Variants in YJEFN3 observed in about 807,000 individuals in gnomAD.
The protein encoded by YJEFN3 is yjeF N-terminal domain-containing protein 3.
Under a neutral mutation model 31.5 loss-of-function variants are expected in YJEFN3, and 29 were observed. The observed-to-expected ratio is 0.92, with a 90% CI of 0.69 to 1.26. The LOEUF (loss-of-function observed/expected upper bound fraction) is 1.26, where lower values mean the gene tolerates loss of function less well. YJEFN3 is among the 50% of genes most tolerant of loss of function. The pLI, the probability that YJEFN3 is intolerant of heterozygous loss-of-function variation, is 0.00. For missense variants in YJEFN3, 442 were observed against 425.4 expected (o/e 1.04, Z -0.34); for synonymous variants, 227 against 196.1 (o/e 1.16, Z -1.32).
Position 19,534,369 on chromosome 19 carries a change from CACAAAGAGAGCCAGAG to C in YJEFN3, c.319-661_319-646del, listed in dbSNP as rs2061186594. On this transcript the variant is annotated intron_variant, in intron 3 of 6. Transcript: ENST00000514277. This position sits in a 1 kb window ranked among gnomAD's most constrained non-coding sequence, Gnocchi z 4.6. ...AGAGACAGATGGAGAGAGACAGAGA[CACAAAGAGAGCCAGAG>C]ACACAGAGAGTCTGAGAGATACAGA... 1 of 184,302 alleles carries C rather than the reference CACAAAGAGAGCCAGAG, an allele frequency of 5.4e-6. No individual in the cohort carries two copies. Among genetic ancestry groups the C allele is most frequent in the African/African-American group, 2.4e-5 (1 of 41,742 alleles). The allele number at this position is 184,302 out of a possible 1,614,324, so 11.4% of individuals were successfully genotyped here.
intron 2 of YJEFN3, among the ~76,000 whole-genome samples, chr19:19,531,327 C>T (rs1490517492): frequency 1.3e-5 from 2 of 152,244 alleles, no homozygotes; most frequent in Non-Finnish European, 2.9e-5. Flanking sequence ...TTGCTTCCTG[C>T]ATGATCCTGG....
At chr19:19,531,121 C>T (rs770414723) in intron 2 of YJEFN3, among the ~76,000 whole-genome samples, 4 of 152,258 alleles carry the variant, frequency 2.6e-5, no homozygotes, top group Admixed American at 6.5e-5. Flanking sequence ...TCCTCCTTCT[C>T]CTGCACTCTG....
At chr19:19,536,463 C>T in intron 6 of YJEFN3, among the ~76,000 whole-genome samples, 1 of 151,090 alleles carries the variant, frequency 6.6e-6, no homozygotes, top group Non-Finnish European at 1.5e-5. Flanking sequence ...GGCGGGTCAC[C>T]TGATGTCAGG....
intron 3 of YJEFN3, chr19:19,533,114 T>G: frequency 9.7e-7 from 1 of 1,029,430 alleles, no homozygotes; most frequent in South Asian, 4.3e-5. Flanking sequence ...GTGGGGAAAC[T>G]GAAGCTCAGA....
At chr19:19,535,174 A>G in intron 4 of YJEFN3, 30 bp downstream of exon 4, 5 of 1,568,816 alleles carry the variant, frequency 3.2e-6, no homozygotes, top group South Asian at 1.2e-5. Flanking sequence ...TCGACCTCCC[A>G]AAGTCCCTGC....
rs754733459 is a variant in YJEFN3 at position 19,528,924 on chromosome 19, A to G, written c.-9A>G. On this transcript the variant is annotated 5_prime_UTR_variant, in exon 1 of 7. Coordinates refer to ENST00000514277, the MANE Select transcript of YJEFN3 (RefSeq NM_198537.4). The stretch of plus-strand genomic sequence containing the variant: ...GCGGCAGCGCCCGGCGCCCGGGCTC[A>G]CCTCGGCCATGAGCAGCGCAGCCGG... 1 of 1,547,832 alleles carries G rather than the reference A, an allele frequency of 6.5e-7. No individual in the cohort carries two copies.
intron 1 of YJEFN3, 74 bp from the exon 2 acceptor site, chr19:19,529,290 G>A: frequency 6.6e-7 from 1 of 1,516,956 alleles, no homozygotes; most frequent in Non-Finnish European, 8.8e-7. Context: ...CCTCATGAAT[G>A]ATTCATCAGC....
Position 19,535,020 on chromosome 19 carries a change from T to A in YJEFN3, c.319-14T>A. The A allele has an allele frequency of 6.3e-7, 1 of 1,578,728 alleles. No individual in the cohort carries two copies. Among genetic ancestry groups the A allele is most frequent in the Non-Finnish European group, 8.6e-7 (1 of 1,163,318 alleles). ...GGACTGTGCCTGTGCCTTTGCTGTG[T>A]CCCCTACCACCAGGCGTTCCCGTTG... On this transcript the variant is annotated splice_polypyrimidine_tract_variant and intron_variant, in intron 3 of 6. Transcript: ENST00000514277.
chr19:19,529,816 A>G (rs139882541), intron 2 of YJEFN3, among the ~76,000 whole-genome samples: 1 of 152,302 alleles, frequency 6.6e-6, no homozygotes, highest in East Asian at 1.9e-4. Flanking sequence ...GGTAGGAGCT[A>G]GAACGTAGTG....
intron 6 of YJEFN3, 150 bp downstream of exon 6, chr19:19,535,829 TC>T: frequency 9.4e-7 from 1 of 1,065,698 alleles, no homozygotes; most frequent in Non-Finnish European, 1.4e-6. Context: ...GTCACACCCA[TC>T]CCTCTGATGG....
Position 19,535,533 on chromosome 19 carries a change from A to C in YJEFN3, c.548A>C (p.Gln183Pro). ...GACCCTGCCTGCCTTCCCCAGGTGC[A>C]GCTCATTAACGAAGCCTATGGGCTG... ...PFLSYLPTEV[Q>P]LINEAYGLVV... Residue 183 changes from glutamine (Q) to proline (P), a missense_variant, in exon 6 of 7, where the codon CAG (glutamine) becomes CCG (proline). By Grantham distance (76) the Gln-to-Pro change is moderately conservative. Coordinates refer to ENST00000514277, the MANE Select transcript of YJEFN3 (RefSeq NM_198537.4). 6.2e-7 allele frequency: 1 copy of C among 1,603,932 alleles called. No individual in the cohort carries two copies. The highest frequency in any genetic ancestry group is 8.5e-7 in the Non-Finnish European group (1 of 1,173,746).
Position 19,534,738 on chromosome 19 carries a change from G to A in YJEFN3, c.319-296G>A. On this transcript the variant is annotated intron_variant, in intron 3 of 6. Coordinates refer to ENST00000514277, the MANE Select transcript of YJEFN3 (RefSeq NM_198537.4). The surrounding 1 kb of genome is among the most constrained non-coding windows in gnomAD (Gnocchi z 4.6). ...CCCGCGGTGAGAAAGGTGGAAGAAT[G>A]TCTGCAACTCAGGCGGAGAATAAAC... is the stretch of plus-strand genomic sequence containing the variant. 7.1e-6 allele frequency: 2 copies of A among 280,098 alleles called. No individual in the cohort carries two copies. Among genetic ancestry groups the A allele is most frequent in the East Asian group, 1.2e-4 (2 of 16,784 alleles). The allele number at this position is 280,098 out of a possible 1,614,324, so 17.4% of individuals were successfully genotyped here. A position where few individuals can be genotyped will look rare whatever the true frequency, so the allele number is the denominator to read the frequency against.
chr19:19,536,112 G>A (rs1453981797), intron 6 of YJEFN3: 4 of 427,576 alleles, frequency 9.4e-6, no homozygotes, highest in Non-Finnish European at 1.7e-5. Context: ...GGATCCCAGG[G>A]ACATCCCAGC....
Position 19,528,984 on chromosome 19 carries a change from T to A in YJEFN3, c.52T>A (p.Phe18Ile). 1 of 1,550,634 alleles carries A rather than the reference T, an allele frequency of 6.4e-7. No individual in the cohort carries two copies. Among genetic ancestry groups the A allele is most frequent in the Non-Finnish European group, 8.7e-7 (1 of 1,146,788 alleles). Residue 18 changes from phenylalanine (F) to isoleucine (I), a missense_variant, in exon 1 of 7, where the codon TTC (phenylalanine) becomes ATC (isoleucine). Phe to Ile is a conservative substitution (Grantham distance 21). Coordinates refer to ENST00000514277, the MANE Select transcript of YJEFN3 (RefSeq NM_198537.4). Reference sequence around the variant, plus strand: ...GTCGGAGGCGCCCGAAGAGCGGCATTTCCTCAGGTCAGCTGGGGAGAGGGA... The same window carrying A: ...GTCGGAGGCGCCCGAAGAGCGGCATATCCTCAGGTCAGCTGGGGAGAGGGA... Reference protein sequence around the residue: ...DPSEAPEERHFLRALELQPPL... With the variant: ...DPSEAPEERHILRALELQPPL...
At position 19,534,469 on chromosome 19, in the gene YJEFN3, G is replaced by C. The variant is rs1439607185; in HGVS notation, c.319-565G>C. ...AGAGACAGACAGACAGAGACACAGA[G>C]AGTCTGAGAGATACAGAAACAGCCA... is the stretch of plus-strand genomic sequence containing the variant. On this transcript the variant is annotated intron_variant, in intron 3 of 6. Transcript: ENST00000514277. This position sits in a 1 kb window ranked among gnomAD's most constrained non-coding sequence, Gnocchi z 4.6. The C allele has an allele frequency of 6.5e-6, 1 of 152,712 alleles. No individual in the cohort carries two copies. The highest frequency in any genetic ancestry group is 2.4e-5 in the African/African-American group (1 of 41,360). The allele number at this position is 152,712 out of a possible 1,614,324, so 9.5% of individuals were successfully genotyped here. A position where few individuals can be genotyped will look rare whatever the true frequency, so the allele number is the denominator to read the frequency against.
At chr19:19,536,359 C>A (rs1003184931) in intron 6 of YJEFN3, among the ~76,000 whole-genome samples, 4 of 152,158 alleles carry the variant, frequency 2.6e-5, no homozygotes, top group Non-Finnish European at 5.9e-5. Context: ...GAAGGCAAGG[C>A]TCCTAGGCTG....
At chr19:19,535,848 C>A in intron 6 of YJEFN3, 169 bp downstream of exon 6, 4 of 929,914 alleles carry the variant, frequency 4.3e-6, no homozygotes, top group South Asian at 1.4e-5. Context: ...TGGGGAAGAT[C>A]GAGGCTGCCA....
intron 3 of YJEFN3, chr19:19,533,514 C>A: frequency 2.6e-6 from 2 of 777,144 alleles, no homozygotes; most frequent in South Asian, 6.0e-5. Context: ...TCCTCCCCTT[C>A]CGCCCCTTTC....
intron 6 of YJEFN3, among the ~76,000 whole-genome samples, chr19:19,536,682 A>T (rs1408355576): frequency 6.7e-6 from 1 of 149,346 alleles, no homozygotes; most frequent in Non-Finnish European, 1.5e-5. Context: ...GTATCTTAAA[A>T]ACAAACAGGC....
Sources: allele counts gnomAD v4.1 joint callset (sites outside exome capture counted in the v4.1 genomes callset), GRCh38; gene constraint gnomAD v4.1.1; non-coding constraint Gnocchi (gnomAD v3.1); transcripts MANE v1.5; gene names NCBI Gene and HGNC (gene_info 2026-07-23, HGNC 2026-07-21).